The following CAMTA1 variants were observed in gnomAD, a reference collection of about 807,000 sequenced individuals.
CAMTA1 encodes calmodulin-binding transcription activator 1.
CAMTA1 carries 27 observed loss-of-function variants against 170.9 expected under a neutral mutation model. The observed-to-expected ratio is 0.16, with a 90% CI of 0.12 to 0.22. The LOEUF is 0.22. CAMTA1 is among the 10% of genes least tolerant of loss of function. CAMTA1 has a pLI of 1.00. For missense variants in CAMTA1, 1,619 were observed against 2,217.2 expected (o/e 0.73, Z 5.42); for synonymous variants, 833 against 891.5 (o/e 0.93, Z 1.17).
At chr1:7,660,382 T>C (rs566690632) in intron 7 of CAMTA1, among the ~76,000 whole-genome samples, 1 of 152,254 alleles carries the variant, frequency 6.6e-6, no homozygotes, top group African/African-American at 2.4e-5. Flanking sequence ...AAATAATTTT[T>C]TTTTAAATAT....
intron 7 of CAMTA1, among the ~76,000 whole-genome samples, chr1:7,654,803 A>G (rs199699116): frequency 0.25 from 7,578 of 29,900 alleles, 693 homozygotes; most frequent in East Asian, 0.55. Context: ...ACCTATACAC[A>G]CACCCACACA....
chr1:7,244,464 C>G (rs532909109), intron 4 of CAMTA1, among the ~76,000 whole-genome samples: 1 of 152,298 alleles, frequency 6.6e-6, no homozygotes, highest in South Asian at 2.1e-4. Context: ...CGGCACTATT[C>G]ACAATAGCAA....
At chr1:7,189,620 A>C (rs1304478508) in intron 4 of CAMTA1, among the ~76,000 whole-genome samples, 1 of 152,234 alleles carries the variant, frequency 6.6e-6, no homozygotes, top group Non-Finnish European at 1.5e-5. Context: ...ATAATCAAAA[A>C]AATCAAACAA....
At chr1:7,111,069 C>G (rs1644007313) in intron 4 of CAMTA1, among the ~76,000 whole-genome samples, 1 of 152,234 alleles carries the variant, frequency 6.6e-6, no homozygotes, top group Non-Finnish European at 1.5e-5. Context: ...TTCTTTGGCT[C>G]TGGGTCCCTT....
intron 4 of CAMTA1, among the ~76,000 whole-genome samples, chr1:7,205,401 C>T: frequency 6.6e-6 from 1 of 152,236 alleles, no homozygotes; most frequent in East Asian, 1.9e-4. Context: ...CCATGCCCGG[C>T]CTCCAACTAC....
intron 4 of CAMTA1, among the ~76,000 whole-genome samples, chr1:7,225,164 A>G (rs1047469705): frequency 6.6e-6 from 1 of 151,908 alleles, no homozygotes; most frequent in Non-Finnish European, 1.5e-5. Context: ...AGCTCACTGC[A>G]AGCTCTGCCT....
intron 4 of CAMTA1, among the ~76,000 whole-genome samples, chr1:7,123,164 G>T (rs1015022128): frequency 6.6e-6 from 1 of 152,070 alleles, no homozygotes; most frequent in African/African-American, 2.4e-5. Context: ...ACCATTTCTT[G>T]CCTCATGGTT....
intron 4 of CAMTA1, among the ~76,000 whole-genome samples, chr1:7,180,358 CA>C (rs35903883): frequency 0.39 from 55,441 of 142,736 alleles, 10,202 homozygotes; most frequent in African/African-American, 0.42. Context: ...AACTACATCT[CA>C]AAAAAAAAAA....
At chr1:7,322,084 T>C (rs1678506193) in intron 5 of CAMTA1, among the ~76,000 whole-genome samples, 1 of 152,174 alleles carries the variant, frequency 6.6e-6, no homozygotes, top group South Asian at 2.1e-4. Context: ...GTCAAATTAT[T>C]TGGGGGCATT....
chr1:6,836,653 C>T (rs554492705), intron 3 of CAMTA1, among the ~76,000 whole-genome samples: 5 of 152,228 alleles, frequency 3.3e-5, no homozygotes, highest in East Asian at 1.9e-4. Context: ...GGGGCGTCTG[C>T]GGTAGCACCG....
At chr1:6,913,799 T>C (rs1680202782) in intron 3 of CAMTA1, among the ~76,000 whole-genome samples, 1 of 148,740 alleles carries the variant, frequency 6.7e-6, no homozygotes, top group Admixed American at 6.8e-5. Context: ...TAAGGCAGAG[T>C]AGGATGTTTG....
At chr1:7,645,524 C>A (rs2095796765) in intron 7 of CAMTA1, among the ~76,000 whole-genome samples, 1 of 152,252 alleles carries the variant, frequency 6.6e-6, no homozygotes, top group African/African-American at 2.4e-5. Context: ...TGATCTTGTC[C>A]CAGCTCTCCC....
intron 3 of CAMTA1, among the ~76,000 whole-genome samples, chr1:7,001,218 C>T (rs1483793837): frequency 6.6e-6 from 1 of 152,184 alleles, no homozygotes; most frequent in Non-Finnish European, 1.5e-5. Flanking sequence ...ATTTCATAAT[C>T]ACCAACTCTA....
Position 7,548,512 on chromosome 1 carries a change from T to C in CAMTA1, c.510+80611T>C, listed in dbSNP as rs1289510899. On this transcript the variant is annotated intron_variant, in intron 6 of 22. Coordinates refer to ENST00000303635, the MANE Select transcript of CAMTA1 (RefSeq NM_015215.4). ...GGTGCCCCTTTAGGGGTGGAGGTGCTGGTGGAGGGTGCCCCCTTAGGGGTG... is the reference window on the plus strand; with the variant it reads ...GGTGCCCCTTTAGGGGTGGAGGTGCCGGTGGAGGGTGCCCCCTTAGGGGTG... Among the ~76,000 whole-genome samples, 501 of 68,058 alleles carry C rather than the reference T, an allele frequency of 7.4e-3. 3 individuals are homozygous for C. Among genetic ancestry groups the C allele is most frequent in the Admixed American group, 9.2e-3 (61 of 6,652 alleles). 44.6% of individuals were successfully genotyped at this position (68,058 alleles called of 152,430 possible). A position where few individuals can be genotyped will look rare whatever the true frequency, so the allele number is the denominator to read the frequency against.
intron 3 of CAMTA1, among the ~76,000 whole-genome samples, chr1:6,865,370 CAG>C (rs1666236321): frequency 6.6e-6 from 1 of 152,088 alleles, no homozygotes; most frequent in Non-Finnish European, 1.5e-5. Flanking sequence ...AGGCCTAGTG[CAG>C]AGTGTGGGGT....
rs147923334 is a variant in CAMTA1 at position 7,763,657 on chromosome 1, C to G, written c.4990-2802C>G. ...ATGTTTAGGGTATACCTCCCCTGAC[C>G]AGCTGATTATAGATTCTTTGGTATG... is the stretch of plus-strand genomic sequence containing the variant. On this transcript the variant is annotated intron_variant, in intron 22 of 22. Transcript: ENST00000303635. Among the ~76,000 whole-genome samples, 48 of 152,320 alleles carry G rather than the reference C, an allele frequency of 3.2e-4. No individual in the cohort carries two copies. The Middle Eastern group carries it at 0.01, about 32-fold the overall frequency.
intron 3 of CAMTA1, among the ~76,000 whole-genome samples, chr1:6,978,632 T>TA (rs1208993485): frequency 1.3e-5 from 2 of 150,754 alleles, no homozygotes; most frequent in Non-Finnish European, 3.0e-5. Context: ...AGACTCCATC[T>TA]AAAAAAAATA....
rs1230085943 is a variant in CAMTA1 at position 7,664,168 on chromosome 1, C to A, written c.1621C>A (p.Gln541Lys). 2 of 1,612,784 alleles carry A rather than the reference C, an allele frequency of 1.2e-6. No homozygotes were observed. Among genetic ancestry groups the A allele is most frequent in the Admixed American group, 3.3e-5 (2 of 60,016 alleles). ...EIKTEDTSFE[Q>K]QMAKEAYSSS... Reference sequence around the variant, plus strand: ...CAAGACCGAGGACACCTCCTTCGAGCAGCAGATGGCCAAAGAAGCGTACTC... The same window carrying A: ...CAAGACCGAGGACACCTCCTTCGAGAAGCAGATGGCCAAAGAAGCGTACTC... The change falls in exon 9 of 23, where the codon CAG (glutamine) becomes AAG (lysine). Residue 541 changes from glutamine (Q) to lysine (K), a missense_variant. Gln to Lys is a moderately conservative substitution (Grantham distance 53). Coordinates refer to ENST00000303635, the MANE Select transcript of CAMTA1 (RefSeq NM_015215.4).
chr1:7,131,966 A>C (rs757413767), intron 4 of CAMTA1, among the ~76,000 whole-genome samples: 35 of 151,948 alleles, frequency 2.3e-4, no homozygotes, highest in Non-Finnish European at 4.4e-4. Context: ...GAGGCAGGAG[A>C]ATCGCCTGAA....
Sources: allele counts gnomAD v4.1 joint callset (sites outside exome capture counted in the v4.1 genomes callset), GRCh38; gene constraint gnomAD v4.1.1; transcripts MANE v1.5; gene names NCBI Gene and HGNC (gene_info 2026-07-23, HGNC 2026-07-21).